Variants in SAMD5 observed in about 807,000 individuals in gnomAD.
The protein encoded by SAMD5 is sterile alpha motif domain-containing protein 5.
In SAMD5, 13 loss-of-function variants were observed where a neutral mutation model predicts 11.3. That is an observed-to-expected ratio of 1.15 (90% CI 0.75 to 1.83). The LOEUF (loss-of-function observed/expected upper bound fraction) is 1.83, where lower values mean the gene tolerates loss of function less well. SAMD5 is among the 40% of genes most tolerant of loss of function. SAMD5 has a pLI of 0.00. For missense variants in SAMD5, 255 were observed against 239.1 expected (o/e 1.07, Z -0.44); for synonymous variants, 129 against 111.3 (o/e 1.16, Z -1.00).
At position 147,639,739 on chromosome 6, in the gene SAMD5, A is replaced by G. The variant is rs983673480; in HGVS notation, c.163-97578A>G. ...GCATCTTTCTTTGGGAGAATTTTTC[A>G]TGTAAATCATGAGATAAGAGTTATT... On this transcript the variant is annotated intron_variant, in intron 1 of 1. Coordinates refer to the SAMD5 transcript ENST00000566741. Among the ~76,000 whole-genome samples the G allele has an allele frequency of 1.3e-4, 20 of 152,356 alleles. No individual in the cohort carries two copies. In the East Asian group the frequency reaches 1.5e-3, roughly 12 times the overall value.
the SAMD5 span, among the ~76,000 whole-genome samples, chr6:147,824,560 G>A: frequency 6.6e-6 from 1 of 152,112 alleles, no homozygotes; most frequent in Middle Eastern, 3.4e-3. Flanking sequence ...GTTTGATTGC[G>A]GATCATTAAC....
At chr6:147,792,175 T>C in the SAMD5 span, among the ~76,000 whole-genome samples, 3 of 152,200 alleles carry the variant, frequency 2.0e-5, no homozygotes, top group African/African-American at 4.8e-5. Flanking sequence ...GGGAGACAAG[T>C]TGCAAACATA....
intron 1 of SAMD5, among the ~76,000 whole-genome samples, chr6:147,656,235 G>A (rs1039445329): frequency 1.3e-5 from 2 of 152,112 alleles, no homozygotes; most frequent in Non-Finnish European, 2.9e-5. Context: ...CTATACACAC[G>A]CTAGCAGAAA....
intron 1 of SAMD5, among the ~76,000 whole-genome samples, chr6:147,600,602 A>G (rs1641047113): frequency 6.6e-6 from 1 of 152,200 alleles, no homozygotes; most frequent in South Asian, 2.1e-4. Flanking sequence ...TTCTTGGAGT[A>G]CATCACTTTT....
At chr6:147,804,177 G>A in the SAMD5 span, among the ~76,000 whole-genome samples, 14 of 148,580 alleles carry the variant, frequency 9.4e-5, no homozygotes, top group Non-Finnish European at 1.6e-4. Context: ...GCACCATCTC[G>A]GCTCGCTGCA....
chr6:147,860,468 C>G, the SAMD5 span, among the ~76,000 whole-genome samples: 1 of 152,166 alleles, frequency 6.6e-6, no homozygotes, highest in Non-Finnish European at 1.5e-5. Context: ...CGTCTTTAAA[C>G]AGGTCAAATA....
intron 1 of SAMD5, among the ~76,000 whole-genome samples, chr6:147,626,791 GAAAAAAA>G (rs529975933): frequency 0.07 from 3,837 of 54,722 alleles, 104 homozygotes; most frequent in East Asian, 0.26. Flanking sequence ...CTGTTTCTAT[GAAAAAAA>G]AAAAAAAAAA....
intron 1 of SAMD5, among the ~76,000 whole-genome samples, chr6:147,637,833 GC>G (rs1717912164): frequency 6.6e-6 from 1 of 150,628 alleles, no homozygotes; most frequent in Non-Finnish European, 1.5e-5. Context: ...TATGATTTAA[GC>G]ATCTTCCTTT....
At chr6:147,633,265 A>G (rs568624456) in intron 1 of SAMD5, among the ~76,000 whole-genome samples, 3 of 152,282 alleles carry the variant, frequency 2.0e-5, no homozygotes, top group South Asian at 4.1e-4. Context: ...ATAATCTTTC[A>G]CCAGAATTAC....
At position 147,666,952 on chromosome 6, in the gene SAMD5, T is replaced by A. The variant is rs140952619; in HGVS notation, c.163-70365T>A. Among the ~76,000 whole-genome samples the A allele has an allele frequency of 4.6e-5, 7 of 152,310 alleles. No homozygotes were observed. The East Asian group carries it at 1.4e-3, about 29-fold the overall frequency. On this transcript the variant is annotated intron_variant, in intron 1 of 1. Coordinates refer to the SAMD5 transcript ENST00000566741. ...TGGCAGTGCTCACCCTGAAGCCTTT[T>A]GTCATATGTGTCTTTCCTGCAGTAG...
intron 1 of SAMD5, chr6:147,675,996 CTG>C (rs1790857221): frequency 6.6e-6 from 1 of 152,154 alleles, no homozygotes; most frequent in Non-Finnish European, 1.5e-5. Flanking sequence ...TACCTTTTAA[CTG>C]TTTATTTTAC....
At chr6:147,778,017 AT>A in the SAMD5 span, among the ~76,000 whole-genome samples, 1 of 152,152 alleles carries the variant, frequency 6.6e-6, no homozygotes, top group Non-Finnish European at 1.5e-5. Context: ...TGGTAATGAT[AT>A]TTTTAACTTT....
At chr6:147,658,880 C>T (rs762795486) in intron 1 of SAMD5, among the ~76,000 whole-genome samples, 1 of 152,110 alleles carries the variant, frequency 6.6e-6, no homozygotes, top group Non-Finnish European at 1.5e-5. Context: ...TATGGATCAG[C>T]TAATTTGATC....
chr6:147,752,576 G>A, the SAMD5 span, among the ~76,000 whole-genome samples: 1 of 151,988 alleles, frequency 6.6e-6, no homozygotes, highest in African/African-American at 2.4e-5. Flanking sequence ...AAAAATGACA[G>A]TTTGTGTGTA....
intron 1 of SAMD5, among the ~76,000 whole-genome samples, chr6:147,698,128 C>T (rs971095202): frequency 3.9e-5 from 6 of 152,132 alleles, no homozygotes; most frequent in Admixed American, 1.3e-4. Context: ...CAACAGGAGG[C>T]GGAGCTCAGG....
intron 1 of SAMD5, among the ~76,000 whole-genome samples, chr6:147,638,765 T>G (rs913320993): frequency 2.6e-5 from 4 of 152,194 alleles, no homozygotes; most frequent in African/African-American, 9.6e-5. Flanking sequence ...CATAAATGTG[T>G]CAGTTTCAAT....
chr6:147,846,801 CAG>C, the SAMD5 span, among the ~76,000 whole-genome samples: 1 of 152,104 alleles, frequency 6.6e-6, no homozygotes, highest in Non-Finnish European at 1.5e-5. Flanking sequence ...GCCTGGGTGA[CAG>C]AGCGAAACTG....
chr6:147,750,331 A>C, the SAMD5 span, among the ~76,000 whole-genome samples: 2 of 152,202 alleles, frequency 1.3e-5, no homozygotes, highest in Non-Finnish European at 2.9e-5. Flanking sequence ...CCTGAAAATA[A>C]TGTATTTCAC....
At chr6:147,582,255 T>C (rs1789309038) in intron 1 of SAMD5, among the ~76,000 whole-genome samples, 2 of 151,708 alleles carry the variant, frequency 1.3e-5, no homozygotes, top group African/African-American at 4.8e-5. Context: ...GCTACTTGGC[T>C]ACCTGGGAGG....
Sources: gnomAD v4.1 joint callset for allele counts (sites outside exome capture counted in the v4.1 genomes callset) on GRCh38, gnomAD v4.1.1 for gene constraint, MANE v1.5 for transcripts, NCBI Gene and HGNC (gene_info 2026-07-23, HGNC 2026-07-21) for gene names.